Variants in KIF4A observed in about 807,000 individuals in gnomAD.
KIF4A encodes kinesin family member 4A, also known as chromosome-associated kinesin KIF4A.
Under a neutral mutation model 105.9 loss-of-function variants are expected in KIF4A, and 7 were observed. The ratio of observed to expected loss-of-function variants is 0.07; its 90% CI spans 0.04 to 0.12. KIF4A has a LOEUF of 0.12. Among genes scored for constraint, KIF4A ranks in the 10% least tolerant of loss-of-function variants. The pLI is 1.00. For synonymous variants in KIF4A, 281 were observed against 331.3 expected, an observed-to-expected ratio of 0.85 and a Z score of 1.65; for missense variants, 558 against 929.2, an observed-to-expected ratio of 0.60 and a Z score of 5.19.
Position 70,331,931 on chromosome X carries a change from G to A in KIF4A, c.1071+1599G>A, listed in dbSNP as rs192208959. Among the ~76,000 whole-genome samples, 114 of 112,020 alleles carry A rather than the reference G, an allele frequency of 1.0e-3. 1 individual carries two copies. The highest frequency in any genetic ancestry group is 2.8e-3 in the Admixed American group (29 of 10,518). ...GAGATAATGATGGCTTGGACTTAGA[G>A]TGCTGGCAGTGGTGATAGAAAGAAG... is the stretch of plus-strand genomic sequence containing the variant. On this transcript the variant is annotated intron_variant, in intron 9 of 30. Coordinates refer to ENST00000374403, the MANE Select transcript of KIF4A (RefSeq NM_012310.5).
At position 70,312,697 on chromosome X, in the gene KIF4A, A is replaced by G. The variant is rs765395833; in HGVS notation, c.778+10299A>G. On this transcript the variant is annotated intron_variant, in intron 7 of 30. Coordinates refer to ENST00000374403, the MANE Select transcript of KIF4A (RefSeq NM_012310.5). ...TTCTTTTATTTGCACATACATAACT[A>G]TGTCTCATTTATTTTCAGTTGTTCT... 3.6e-5 allele frequency among the ~76,000 whole-genome samples: 4 copies of G among 111,836 alleles called. No individual in the cohort carries two copies. The South Asian group carries it at 1.5e-3, about 41-fold the overall frequency.
At chrX:70,389,997 G>T (rs1039992653) in intron 20 of KIF4A, among the ~76,000 whole-genome samples, 1 of 112,294 alleles carries the variant, frequency 8.9e-6, no homozygotes, top group Non-Finnish European at 1.9e-5. Context: ...TTAGATACAC[G>T]AATGCAGTAT....
At chrX:70,305,783 A>G (rs1331032229) in intron 7 of KIF4A, among the ~76,000 whole-genome samples, 1 of 112,031 alleles carries the variant, frequency 8.9e-6, no homozygotes, top group Non-Finnish European at 1.9e-5. Flanking sequence ...CTGTTTTTCA[A>G]AGCAACGACA....
intron 7 of KIF4A, among the ~76,000 whole-genome samples, chrX:70,313,591 C>A (rs969989081): frequency 1.8e-5 from 2 of 112,076 alleles, no homozygotes; most frequent in Non-Finnish European, 3.8e-5. Flanking sequence ...TTTTCCGAAT[C>A]CACTACCTTC....
intron 18 of KIF4A, among the ~76,000 whole-genome samples, chrX:70,376,883 C>A (rs1185549512): frequency 9.0e-6 from 1 of 111,405 alleles, no homozygotes; most frequent in African/African-American, 3.3e-5. Flanking sequence ...ATGTATAGAG[C>A]AAACTGTAAT....
intron 10 of KIF4A, among the ~76,000 whole-genome samples, chrX:70,340,090 T>G (rs1046997102): frequency 5.4e-5 from 6 of 111,450 alleles, no homozygotes; most frequent in African/African-American, 1.6e-4. Flanking sequence ...ACTCTGAAAC[T>G]AGACTGCTGA....
chrX:70,311,521 A>G (rs2085849688), intron 7 of KIF4A, among the ~76,000 whole-genome samples: 1 of 112,225 alleles, frequency 8.9e-6, no homozygotes, highest in South Asian at 3.7e-4. Flanking sequence ...ACCTGTCATG[A>G]AGTTTCAGCA....
intron 7 of KIF4A, among the ~76,000 whole-genome samples, chrX:70,321,997 C>T (rs996221290): frequency 9.1e-6 from 1 of 110,441 alleles, no homozygotes; most frequent in Non-Finnish European, 1.9e-5. Flanking sequence ...TTCTCCTCTT[C>T]CACTCACCCC....
At chrX:70,394,682 T>C (rs1449811287) in intron 20 of KIF4A, among the ~76,000 whole-genome samples, 3 of 112,370 alleles carry the variant, frequency 2.7e-5, no homozygotes, top group Non-Finnish European at 5.6e-5. Flanking sequence ...TGAACATTTT[T>C]ATGATTTATA....
At chrX:70,334,605 G>A (rs1416139019) in intron 10 of KIF4A, among the ~76,000 whole-genome samples, 1 of 112,379 alleles carries the variant, frequency 8.9e-6, no homozygotes, top group Non-Finnish European at 1.9e-5. Context: ...CAGCATTTAT[G>A]TACAGTTCTT....
chrX:70,301,748 G>A, intron 5 of KIF4A, 152 bp from the exon 6 acceptor site: 1 of 535,167 alleles, frequency 1.9e-6, no homozygotes, highest in Non-Finnish European at 3.0e-6. Flanking sequence ...TCTTCACAGA[G>A]TTGCCAGTTA....
intron 13 of KIF4A, among the ~76,000 whole-genome samples, chrX:70,345,849 T>C (rs1234970322): frequency 1.8e-5 from 2 of 111,439 alleles, no homozygotes; most frequent in East Asian, 5.6e-4. Context: ...CAAGGAAAAT[T>C]GGGAATCCTC....
intron 15 of KIF4A, among the ~76,000 whole-genome samples, chrX:70,369,231 C>T (rs2086119677): frequency 1.8e-5 from 2 of 112,255 alleles, no homozygotes; most frequent in African/African-American, 6.5e-5. Context: ...CTTCGGCTCA[C>T]GCTTGGTGCG....
chrX:70,404,105 A>T, intron 24 of KIF4A, 71 bp downstream of exon 24: 1 of 1,110,342 alleles, frequency 9.0e-7, no homozygotes, highest in South Asian at 2.0e-5. Flanking sequence ...TTTAAAAAAA[A>T]AGTGGGGATA....
intron 3 of KIF4A, among the ~76,000 whole-genome samples, chrX:70,293,248 T>C (rs2085767908): frequency 8.9e-6 from 1 of 111,884 alleles, no homozygotes; most frequent in African/African-American, 3.2e-5. Flanking sequence ...GTTTAAAGGG[T>C]TTTTTCCTTC....
At chrX:70,388,230 T>G (rs1376820254) in intron 20 of KIF4A, among the ~76,000 whole-genome samples, 1 of 111,960 alleles carries the variant, frequency 8.9e-6, no homozygotes, top group Non-Finnish European at 1.9e-5. Flanking sequence ...ACAACTTCTT[T>G]CCTTTTTATT....
At chrX:70,387,804 G>A (rs748615027) in intron 20 of KIF4A, among the ~76,000 whole-genome samples, 181 of 111,598 alleles carry the variant, frequency 1.6e-3, no homozygotes, top group African/African-American at 5.5e-3. Context: ...GGAGGTGGAC[G>A]TTGCAGTAAG....
intron 13 of KIF4A, among the ~76,000 whole-genome samples, chrX:70,350,004 G>A (rs372093773): frequency 0.22 from 1,707 of 7,748 alleles, no homozygotes; most frequent in East Asian, 0.36. Flanking sequence ...CTTCCCAGAC[G>A]GGGCAGCCGG....
At position 70,395,656 on chromosome X, in the gene KIF4A, T is replaced by C; in HGVS notation, c.2233-15T>C. The stretch of plus-strand genomic sequence containing the variant: ...TCCTCATCCCTAACACAGACATCAC[T>C]GATTTCTCTTCCAGAATTGGCTTGG... On this transcript the variant is annotated splice_polypyrimidine_tract_variant and intron_variant, in intron 20 of 30. Coordinates refer to ENST00000374403, the MANE Select transcript of KIF4A (RefSeq NM_012310.5). The C allele has an allele frequency of 1.2e-5, 15 of 1,211,201 alleles. No individual in the cohort carries two copies. Among genetic ancestry groups the C allele is most frequent in the Non-Finnish European group, 1.7e-5 (15 of 895,161 alleles).
Sources: gnomAD v4.1 joint callset for allele counts (sites outside exome capture counted in the v4.1 genomes callset) on GRCh38, gnomAD v4.1.1 for gene constraint, MANE v1.5 for transcripts, NCBI Gene and HGNC (gene_info 2026-07-23, HGNC 2026-07-21) for gene names.